The following RNF38 variants were observed in gnomAD, a reference collection of about 807,000 sequenced individuals.
The protein encoded by RNF38 is E3 ubiquitin-protein ligase RNF38.
RNF38 carries 15 observed loss-of-function variants against 67.2 expected under a neutral mutation model. The observed-to-expected ratio is 0.22, with a 90% CI of 0.15 to 0.34. The LOEUF (loss-of-function observed/expected upper bound fraction) is 0.34. RNF38 is among the 10% of genes least tolerant of loss of function. The pLI, the probability that RNF38 is intolerant of heterozygous loss-of-function variation, is 1.00. For synonymous variants in RNF38, 220 were observed against 218.8 expected, an observed-to-expected ratio of 1.01 and a Z score of -0.05; for missense variants, 524 against 639.9, an observed-to-expected ratio of 0.82 and a Z score of 1.95.
intron 1 of RNF38, among the ~76,000 whole-genome samples, chr9:36,442,443 C>CT (rs1788433438): frequency 6.6e-6 from 1 of 152,168 alleles, no homozygotes; most frequent in African/African-American, 2.4e-5. Flanking sequence ...AGTGACCAAA[C>CT]TGTCAGCTTA....
intron 10 of RNF38, among the ~76,000 whole-genome samples, chr9:36,344,438 T>C (rs1418186255): frequency 1.3e-5 from 2 of 152,206 alleles, no homozygotes; most frequent in Non-Finnish European, 2.9e-5. Flanking sequence ...TTTATGTGCA[T>C]GAATTTTCAA....
At chr9:36,476,478 GATT>G (rs1284855901) in intron 1 of RNF38, among the ~76,000 whole-genome samples, 1 of 150,688 alleles carries the variant, frequency 6.6e-6, no homozygotes, top group Admixed American at 6.6e-5. Flanking sequence ...CTTTTCAAAG[GATT>G]ATTTGGGCAA....
chr9:36,382,657 A>C (rs1301251133), intron 2 of RNF38, among the ~76,000 whole-genome samples: 1 of 152,242 alleles, frequency 6.6e-6, no homozygotes, highest in Non-Finnish European at 1.5e-5. Flanking sequence ...CATGCCTCTA[A>C]TGGCAACCAC....
intron 2 of RNF38, among the ~76,000 whole-genome samples, chr9:36,385,605 C>G (rs1261511262): frequency 1.3e-5 from 2 of 152,124 alleles, no homozygotes; most frequent in Non-Finnish European, 2.9e-5. Flanking sequence ...TCTTGAACTC[C>G]TGACCTCAGG....
At chr9:36,353,532 A>C (rs900652124) in intron 6 of RNF38, among the ~76,000 whole-genome samples, 4 of 152,202 alleles carry the variant, frequency 2.6e-5, no homozygotes, top group Admixed American at 2.6e-4. Flanking sequence ...TTTGATTTCA[A>C]CAAGGTTTAA....
chr9:36,354,860 C>T (rs954324529), intron 6 of RNF38, among the ~76,000 whole-genome samples: 7 of 152,202 alleles, frequency 4.6e-5, no homozygotes, highest in Non-Finnish European at 8.8e-5. Flanking sequence ...AAATACTAAG[C>T]TTTAATTTGG....
chr9:36,482,630 A>G (rs145613142), intron 1 of RNF38, among the ~76,000 whole-genome samples: 7,636 of 151,818 alleles, frequency 0.05, 591 homozygotes, highest in African/African-American at 0.17. Context: ...TGGGATTATA[A>G]GCGTGAGCCA....
upstream of RNF38, chr9:36,400,874 T>C (rs2134155779): frequency 2.1e-6 from 2 of 945,908 alleles, no homozygotes; most frequent in South Asian, 9.8e-5. Flanking sequence ...AACACCGCAC[T>C]AGGGGCCCGG....
At chr9:36,406,684 C>T (rs540477990) in intron 2 of RNF38, among the ~76,000 whole-genome samples, 5 of 152,170 alleles carry the variant, frequency 3.3e-5, no homozygotes, top group Admixed American at 1.3e-4. Context: ...GCTGATTCTA[C>T]GTTTCTCGCT....
At chr9:36,453,485 C>T (rs1229678323) in intron 1 of RNF38, among the ~76,000 whole-genome samples, 1 of 151,536 alleles carries the variant, frequency 6.6e-6, no homozygotes, top group African/African-American at 2.4e-5. Flanking sequence ...TGGGTTCAAG[C>T]AATTCTCCTG....
chr9:36,448,804 GACC>G (rs1839368546), intron 1 of RNF38, among the ~76,000 whole-genome samples: 1 of 151,882 alleles, frequency 6.6e-6, no homozygotes, highest in Non-Finnish European at 1.5e-5. Flanking sequence ...AGGAGTTTGA[GACC>G]AGTCTGGCCA....
chr9:36,442,963 T>C (rs907627843), intron 1 of RNF38, among the ~76,000 whole-genome samples: 3 of 152,188 alleles, frequency 2.0e-5, no homozygotes, highest in Non-Finnish European at 4.4e-5. Context: ...ATGAGATTAG[T>C]AAGTCCTCCT....
intron 1 of RNF38, among the ~76,000 whole-genome samples, chr9:36,437,476 T>C (rs1839096575): frequency 6.6e-6 from 1 of 151,114 alleles, no homozygotes; most frequent in African/African-American, 2.4e-5. Context: ...TCACCTGAGC[T>C]CAAAGCTTTC....
At chr9:36,371,549 C>T (rs1021323870) in intron 3 of RNF38, among the ~76,000 whole-genome samples, 4 of 149,780 alleles carry the variant, frequency 2.7e-5, no homozygotes, top group South Asian at 4.2e-4. Flanking sequence ...CAGGTTCAAA[C>T]GATTCTCCTG....
In RNF38 at chr9:36,337,563, G is replaced by GT; in HGVS notation, c.*2188dup. The stretch of plus-strand genomic sequence containing the variant: ...CATGCTTCAATAAAATGAATACTGA[G>GT]TGTCGTAGTGTTAGATCTGTACAGA... On this transcript the variant is annotated 3_prime_UTR_variant, in exon 12 of 12. Coordinates refer to ENST00000259605, the MANE Select transcript of RNF38 (RefSeq NM_022781.5). 1 of 152,730 alleles carries GT rather than the reference G, an allele frequency of 6.5e-6. No individual in the cohort carries two copies. Among genetic ancestry groups the GT allele is most frequent in the East Asian group, 1.9e-4 (1 of 5,184 alleles). 9.5% of individuals were successfully genotyped at this position (152,730 alleles called of 1,614,324 possible). A position where few individuals can be genotyped will look rare whatever the true frequency, so the allele number is the denominator to read the frequency against.
chr9:36,409,407 T>C (rs1435311902), intron 2 of RNF38, among the ~76,000 whole-genome samples: 1 of 152,066 alleles, frequency 6.6e-6, no homozygotes, highest in Non-Finnish European at 1.5e-5. Context: ...TACTTTACTT[T>C]TGGGAAAGAC....
intron 6 of RNF38, among the ~76,000 whole-genome samples, chr9:36,353,558 A>G (rs1488840393): frequency 6.6e-6 from 1 of 152,186 alleles, no homozygotes; most frequent in African/African-American, 2.4e-5. Context: ...GTTATCAAAC[A>G]TTTCCATTAC....
At position 36,369,778 on chromosome 9, in the gene RNF38, G is replaced by A. The variant is rs1289742987; in HGVS notation, c.511C>T (p.Leu171=). Reference sequence around the variant, plus strand: ...TGGGGTGGATGAGCAGCAGGATGTAGCAGACGGGGAGATACATTCGGAGGG... The same window carrying A: ...TGGGGTGGATGAGCAGCAGGATGTAACAGACGGGGAGATACATTCGGAGGG... ...FHPPNVSPRL[L]HPAAHPPQQN... Residue 171 remains leucine (L), a synonymous_variant, in exon 4 of 12, where the codon CTA becomes TTA. Transcript: ENST00000259605. The A allele has an allele frequency of 1.4e-5, 22 of 1,614,060 alleles. No individual in the cohort carries two copies. Among genetic ancestry groups the A allele is most frequent in the Non-Finnish European group, 1.9e-5 (22 of 1,180,012 alleles).
intron 1 of RNF38, among the ~76,000 whole-genome samples, chr9:36,474,768 T>C (rs1366109962): frequency 1.4e-5 from 2 of 147,940 alleles, no homozygotes; most frequent in Non-Finnish European, 3.0e-5. Flanking sequence ...TATTTAAAAA[T>C]AGGTAGAATT....
Sources: allele counts gnomAD v4.1 joint callset (sites outside exome capture counted in the v4.1 genomes callset), GRCh38; gene constraint gnomAD v4.1.1; transcripts MANE v1.5; gene names NCBI Gene and HGNC (gene_info 2026-07-23, HGNC 2026-07-21).